The following TOM1 variants were observed in gnomAD, a reference collection of about 807,000 sequenced individuals.
The protein encoded by TOM1 is target of Myb protein 1.
Under a neutral mutation model 61.3 loss-of-function variants are expected in TOM1, and 38 were observed. The ratio of observed to expected loss-of-function variants is 0.62; its 90% CI spans 0.48 to 0.81. The LOEUF is 0.81. Among genes scored for constraint, TOM1 ranks in the 40% least tolerant of loss-of-function variants. The pLI, the probability that TOM1 is intolerant of heterozygous loss-of-function variation, is 0.00. For synonymous variants in TOM1, 270 were observed against 268.8 expected (o/e 1.00, Z -0.04); for missense variants, 591 against 659.6 (o/e 0.90, Z 1.14).
chr22:35,335,613 G>A (rs370264729), intron 11 of TOM1: 1 of 154,622 alleles, frequency 6.5e-6, no homozygotes, highest in South Asian at 2.0e-4. Context: ...GAACCCTGGC[G>A]CCTGCCCTGG....
At chr22:35,317,502 A>G (rs942570927) in intron 1 of TOM1, among the ~76,000 whole-genome samples, 4 of 152,162 alleles carry the variant, frequency 2.6e-5, no homozygotes, top group African/African-American at 9.7e-5. Flanking sequence ...AGATAATTCT[A>G]AAGTCAAGGG....
chr22:35,336,971 C>T (rs1458822610), intron 11 of TOM1, among the ~76,000 whole-genome samples: 1 of 149,624 alleles, frequency 6.7e-6, no homozygotes, highest in African/African-American at 2.5e-5. Context: ...GCCGGAGTCT[C>T]GCTCTGTCTC....
chr22:35,312,266 GGGAGTTCA>G (rs1306770891), intron 1 of TOM1, among the ~76,000 whole-genome samples: 1 of 151,926 alleles, frequency 6.6e-6, no homozygotes, highest in Non-Finnish European at 1.5e-5. Context: ...AAAAGACAAG[GGGAGTTCA>G]GGAGTTCAGC....
chr22:35,334,523 G>GT, intron 11 of TOM1, 75 bp downstream of exon 11: 2 of 1,576,024 alleles, frequency 1.3e-6, no homozygotes, highest in Non-Finnish European at 1.7e-6. Flanking sequence ...GTTTTATGGT[G>GT]GCACACCATG....
intron 2 of TOM1, among the ~76,000 whole-genome samples, chr22:35,321,363 T>C (rs951828896): frequency 2.6e-4 from 40 of 151,860 alleles, no homozygotes; most frequent in Non-Finnish European, 7.4e-5. Flanking sequence ...GAATGTCCTT[T>C]GTTTTTTTGA....
chr22:35,347,053 A>T lies in TOM1; in HGVS notation c.1325-2A>T. 3 of 1,611,476 alleles carry T rather than the reference A, an allele frequency of 1.9e-6. No homozygotes were observed. Among genetic ancestry groups the T allele is most frequent in the Non-Finnish European group, 2.5e-6 (3 of 1,178,628 alleles). ...TACCCTCACCCTCTCCCCTTCCTCT[A>T]GAATTTGACAAATTCCTGGAAGAAC... On this transcript the variant is annotated splice_acceptor_variant, in intron 14 of 14. Coordinates refer to ENST00000449058, the MANE Select transcript of TOM1 (RefSeq NM_005488.3). LOFTEE classifies it high-confidence loss of function.
intron 10 of TOM1, 111 bp from the exon 11 acceptor site, chr22:35,334,217 C>T: frequency 6.9e-7 from 1 of 1,448,388 alleles, no homozygotes; most frequent in Non-Finnish European, 9.3e-7. Flanking sequence ...CCCCCACCCA[C>T]ACGTGCCACT....
At chr22:35,347,032 C>G in intron 14 of TOM1, 23 bp from the exon 15 acceptor site, 1 of 1,610,234 alleles carries the variant, frequency 6.2e-7, no homozygotes, top group Non-Finnish European at 8.5e-7. Context: ...AGGGCCTACC[C>G]TCACCCTCTC....
intron 2 of TOM1, among the ~76,000 whole-genome samples, chr22:35,319,431 C>T (rs1176774686): frequency 6.6e-6 from 1 of 152,238 alleles, no homozygotes; most frequent in Non-Finnish European, 1.5e-5. Flanking sequence ...GTCTCCCCCA[C>T]TGGGTTGTGG....
intron 2 of TOM1, 112 bp from the exon 3 acceptor site, chr22:35,321,847 G>A (rs1269312620): frequency 3.3e-6 from 3 of 903,804 alleles, no homozygotes; most frequent in African/African-American, 3.3e-5. Context: ...ACACAAAACA[G>A]GTGGGGCACA....
intron 1 of TOM1, among the ~76,000 whole-genome samples, chr22:35,306,318 C>T (rs1926326678): frequency 6.6e-6 from 1 of 152,096 alleles, no homozygotes; most frequent in South Asian, 2.1e-4. Flanking sequence ...ACCAGAGCAC[C>T]CACACTGGGG....
At chr22:35,321,857 A>G in intron 2 of TOM1, 102 bp from the exon 3 acceptor site, 2 of 971,728 alleles carry the variant, frequency 2.1e-6, no homozygotes, top group Non-Finnish European at 3.4e-6. Flanking sequence ...GGTGGGGCAC[A>G]GGGAGGATGG....
chr22:35,319,671 A>C (rs879316009), intron 2 of TOM1, among the ~76,000 whole-genome samples: 2 of 152,192 alleles, frequency 1.3e-5, no homozygotes, highest in Middle Eastern at 3.4e-3. Flanking sequence ...CCTTGTGTCT[A>C]GGCCACCCTA....
chr22:35,342,953 AC>A (rs1407132051), intron 12 of TOM1, among the ~76,000 whole-genome samples: 1 of 82,494 alleles, frequency 1.2e-5, no homozygotes, highest in Non-Finnish European at 2.2e-5. Flanking sequence ...ACCTACACAC[AC>A]CCCTACACAC....
In TOM1 at chr22:35,317,000, C is replaced by T. The variant is rs139851289; in HGVS notation, c.53-877C>T. Among the ~76,000 whole-genome samples the T allele has an allele frequency of 5.7e-3, 872 of 152,044 alleles. 28 individuals carry two copies. The highest frequency in any genetic ancestry group is 0.052 in the Admixed American group (793 of 15,244). On this transcript the variant is annotated intron_variant, in intron 1 of 14. Coordinates refer to ENST00000449058, the MANE Select transcript of TOM1 (RefSeq NM_005488.3). ...GCCAGGTGACCTGTTAGTAATGGAG[C>T]GTTTGCTTCCTAGGTAAAGAAGCTC...
intron 10 of TOM1, 28 bp downstream of exon 10, chr22:35,333,525 G>A (rs1929018217): frequency 6.2e-7 from 1 of 1,607,064 alleles, no homozygotes. Context: ...GGCTCCAGCT[G>A]AGGGTACATT....
intron 13 of TOM1, among the ~76,000 whole-genome samples, chr22:35,346,721 C>T (rs112707607): frequency 6.6e-6 from 1 of 152,152 alleles, no homozygotes; most frequent in Non-Finnish European, 1.5e-5. Context: ...ACACAAGGCT[C>T]AGGAAGTCAG....
chr22:35,346,937 A>G lies in TOM1; in HGVS notation c.1292A>G (p.Asp431Gly). 1 of 1,612,544 alleles carries G rather than the reference A, an allele frequency of 6.2e-7. No homozygotes were observed. Among genetic ancestry groups the G allele is most frequent in the Non-Finnish European group, 8.5e-7 (1 of 1,179,450 alleles). Residue 431 changes from aspartate to glycine, a missense_variant, in exon 14 of 15, where the codon GAT becomes GGT. Coordinates refer to ENST00000449058, the MANE Select transcript of TOM1 (RefSeq NM_005488.3). The stretch of plus-strand genomic sequence containing the variant: ...TTCCTTCTACCTTCCCAGGGTAATG[A>G]TGCGGAAGAGCCTAAGGGGGTCACC... ...EQWLSTDVGN[D>G]AEEPKGVTSE... is the part of the protein sequence containing the mutation.
At chr22:35,316,250 G>A (rs918724498) in intron 1 of TOM1, among the ~76,000 whole-genome samples, 1 of 152,246 alleles carries the variant, frequency 6.6e-6, no homozygotes, top group East Asian at 1.9e-4. Flanking sequence ...AAAAGGCGGA[G>A]CAAAGCCTGT....
Sources: gnomAD v4.1 joint callset for allele counts (sites outside exome capture counted in the v4.1 genomes callset) on GRCh38, gnomAD v4.1.1 for gene constraint, MANE v1.5 for transcripts, NCBI Gene and HGNC (gene_info 2026-07-23, HGNC 2026-07-21) for gene names.